The following RRP12 variants were observed in gnomAD, a reference collection of about 807,000 sequenced individuals.
RRP12 encodes ribosomal RNA processing 12 homolog.
RRP12 carries 78 observed loss-of-function variants against 157.3 expected under a neutral mutation model. That is an observed-to-expected ratio of 0.50 (90% CI 0.41 to 0.60). RRP12 has a LOEUF of 0.60. Ranked by LOEUF, RRP12 falls within the 20% of genes least tolerant of loss-of-function variation. The pLI is 0.00. For missense variants in RRP12, 1,521 were observed against 1,679.9 expected (o/e 0.91, Z 1.65); for synonymous variants, 726 against 670.9 (o/e 1.08, Z -1.27).
chr10:97,395,105 T>C (rs1844918606), intron 3 of RRP12, among the ~76,000 whole-genome samples: 1 of 151,758 alleles, frequency 6.6e-6, no homozygotes, highest in South Asian at 2.1e-4. Context: ...ATCACACCAC[T>C]GCACTCCAGC....
intron 4 of RRP12, among the ~76,000 whole-genome samples, chr10:97,392,902 T>C (rs562327488): frequency 2.4e-4 from 37 of 151,494 alleles, no homozygotes; most frequent in Non-Finnish European, 3.1e-4. Flanking sequence ...TGTTGGCCAG[T>C]TTGGTCTCGA....
chr10:97,398,037 G>A (rs12262070), intron 2 of RRP12, among the ~76,000 whole-genome samples: 269 of 36,184 alleles, frequency 7.4e-3, no homozygotes, highest in Middle Eastern at 0.06. Flanking sequence ...ATATATATAC[G>A]TATTTTTTTT....
At position 97,379,779 on chromosome 10, in the gene RRP12, G is replaced by C. The variant is rs1216340403; in HGVS notation, c.1534-9C>G. 1.9e-6 allele frequency: 3 copies of C among 1,597,606 alleles called. No homozygotes were observed. Among genetic ancestry groups the C allele is most frequent in the Non-Finnish European group, 2.6e-6 (3 of 1,172,210 alleles). On this transcript the variant is annotated splice_polypyrimidine_tract_variant and intron_variant, in intron 13 of 33. Coordinates refer to ENST00000370992, the MANE Select transcript of RRP12 (RefSeq NM_015179.4). ...CACAGGGACTGGAGGCACTGCAGCA[G>C]AGATGAGTGACCACACATCAAGACA...
rs773254023 is a variant in RRP12, at chr10:97,388,637, G to A, written c.754-13C>T. The A allele has an allele frequency of 1.2e-6, 2 of 1,612,944 alleles. No homozygotes were observed. The highest frequency in any genetic ancestry group is 1.7e-6 in the Non-Finnish European group (2 of 1,179,084). On this transcript the variant is annotated splice_polypyrimidine_tract_variant and intron_variant, in intron 6 of 33. Coordinates refer to ENST00000370992, the MANE Select transcript of RRP12 (RefSeq NM_015179.4). The stretch of plus-strand genomic sequence containing the variant: ...CAGCCTTCCGGATCTGAGGGGCAAG[G>A]AGAGCAGGAGACAAGGCCAGATCAG...
intron 33 of RRP12, 146 bp downstream of exon 33, chr10:97,358,391 A>G (rs1239200557): frequency 3.0e-6 from 2 of 676,512 alleles, no homozygotes; most frequent in East Asian, 5.0e-5. Context: ...TACCAGCTAC[A>G]TGATATAGGT....
chr10:97,360,684 C>A (rs1843820875), intron 30 of RRP12, 66 bp from the exon 31 acceptor site: 1 of 1,172,664 alleles, frequency 8.5e-7, no homozygotes, highest in African/African-American at 1.5e-5. Context: ...GGAATGCCAA[C>A]AGTAACAGCA....
chr10:97,361,349 C>A (rs985477235), intron 30 of RRP12, among the ~76,000 whole-genome samples: 3 of 152,230 alleles, frequency 2.0e-5, no homozygotes, highest in African/African-American at 7.2e-5. Context: ...CTAGAACCAA[C>A]AACCAGGCCA....
At position 97,367,098 on chromosome 10, in the gene RRP12, C is replaced by T. The variant is rs760887161; in HGVS notation, c.2990G>A (p.Arg997Gln). ...EAIGKLSDDM[R>Q]RHFRMKLRNL... ...CCGAAGCTTCATGCGGAAGTGCCGC[C>T]GCATGTCATCTGAAAGCTTCCCAAT... is the stretch of plus-strand genomic sequence containing the variant. The change falls in exon 26 of 34, where the codon CGG becomes CAG. Residue 997 changes from arginine (R) to glutamine (Q), a missense_variant. Coordinates refer to ENST00000370992, the MANE Select transcript of RRP12 (RefSeq NM_015179.4). 9.3e-6 allele frequency: 15 copies of T among 1,614,210 alleles called. No individual in the cohort carries two copies. The highest frequency in any genetic ancestry group is 1.3e-5 in the African/African-American group (1 of 75,068).
intron 15 of RRP12, among the ~76,000 whole-genome samples, chr10:97,376,214 T>A (rs1844301855): frequency 7.4e-6 from 1 of 135,400 alleles, no homozygotes; most frequent in African/African-American, 2.8e-5. Context: ...TTTACTTTCT[T>A]TTTTTTTTTT....
At chr10:97,381,581 C>A (rs1244665819) in intron 11 of RRP12, 98 bp from the exon 12 acceptor site, 2 of 1,228,674 alleles carry the variant, frequency 1.6e-6, no homozygotes, top group Non-Finnish European at 2.3e-6. Context: ...AAGAAAGCTT[C>A]GAAGAAACCT....
At chr10:97,367,275 G>A in intron 25 of RRP12, 143 bp from the exon 26 acceptor site, 1 of 668,220 alleles carries the variant, frequency 1.5e-6, no homozygotes, top group Non-Finnish European at 2.6e-6. Context: ...CCACACCCTG[G>A]CCCAGTCATG....
At chr10:97,390,254 G>A (rs1844764418) in intron 6 of RRP12, among the ~76,000 whole-genome samples, 169 bp downstream of exon 6, 1 of 152,228 alleles carries the variant, frequency 6.6e-6, no homozygotes, top group Non-Finnish European at 1.5e-5. Context: ...GGAGGAGGAA[G>A]AGCCGCCCTG....
At position 97,401,278 on chromosome 10, in the gene RRP12, G is replaced by C; in HGVS notation, c.-47C>G. On this transcript the variant is annotated 5_prime_UTR_variant, in exon 1 of 34. Transcript: ENST00000370992. ...AATGAGCTTAAATGACCGGCTTCCA[G>C]GGACGTAGAAACACGCTCAGAACCC... 6.2e-7 allele frequency: 1 copy of C among 1,611,238 alleles called. No homozygotes were observed. The highest frequency in any genetic ancestry group is 8.5e-7 in the Non-Finnish European group (1 of 1,177,768).
chr10:97,360,697 G>A (rs11599228), intron 30 of RRP12, 79 bp from the exon 31 acceptor site: 37,240 of 1,054,152 alleles, frequency 0.035, 880 homozygotes, highest in Non-Finnish European at 0.046. Flanking sequence ...TAACAGCAGA[G>A]TACCCTGCAT....
At chr10:97,384,065 G>A (rs760951723) in intron 10 of RRP12, among the ~76,000 whole-genome samples, 4 of 143,732 alleles carry the variant, frequency 2.8e-5, no homozygotes, top group Non-Finnish European at 6.1e-5. Flanking sequence ...TCCGGCTCAC[G>A]TCCCCTCCAC....
At chr10:97,381,934 T>G in intron 10 of RRP12, 108 bp from the exon 11 acceptor site, 1 of 732,242 alleles carries the variant, frequency 1.4e-6, no homozygotes, top group Non-Finnish European at 2.3e-6. Flanking sequence ...ACAAACCCAG[T>G]GATCTGCAGG....
At chr10:97,360,765 A>G in intron 30 of RRP12, 147 bp from the exon 31 acceptor site, 1 of 677,210 alleles carries the variant, frequency 1.5e-6, no homozygotes, top group Non-Finnish European at 2.7e-6. Flanking sequence ...TGGGGAAACT[A>G]AGGCCCAGAG....
At chr10:97,398,407 G>A (rs76094900) in intron 2 of RRP12, among the ~76,000 whole-genome samples, 47,950 of 134,634 alleles carry the variant, frequency 0.36, 8,784 homozygotes, top group African/African-American at 0.47. Flanking sequence ...AGGCTGAAGC[G>A]CAGTGGTGCG....
rs1209930265 is a variant in RRP12, at chr10:97,400,338, G to A, written c.336C>T (p.Arg112=). 1 of 1,613,856 alleles carries A rather than the reference G, an allele frequency of 6.2e-7. No homozygotes were observed. The highest frequency in any genetic ancestry group is 2.2e-5 in the East Asian group (1 of 44,880). ...GGGCAGCCGAGTTGGACTCCCAGAA[G>A]CGCTGTACTTTGCTGAAGGTGACGT... ...CTNVTFSKVQ[R]FWESNSAAHK... Residue 112 remains arginine, a synonymous_variant, in exon 2 of 34, where the codon CGC becomes CGT. Transcript: ENST00000370992.
Sources: allele counts gnomAD v4.1 joint callset (sites outside exome capture counted in the v4.1 genomes callset), GRCh38; gene constraint gnomAD v4.1.1; transcripts MANE v1.5; gene names NCBI Gene and HGNC (gene_info 2026-07-23, HGNC 2026-07-21).